Variants in HDAC9 observed in about 807,000 individuals in gnomAD.
The protein encoded by HDAC9 is MEF-2 interacting transcription repressor (MITR) protein.
In HDAC9, 41 loss-of-function variants were observed where a neutral mutation model predicts 139.4. That is an observed-to-expected ratio of 0.29 (90% confidence interval 0.23 to 0.38). The LOEUF is 0.38. Among genes scored for constraint, HDAC9 ranks in the 10% least tolerant of loss-of-function variants. The pLI, the probability that HDAC9 is intolerant of heterozygous loss-of-function variation, is 1.00. For synonymous variants in HDAC9, 517 were observed against 476.2 expected (o/e 1.09, Z -1.12); for missense variants, 1,147 against 1,297.0 (o/e 0.88, Z 1.78).
intron 12 of HDAC9, among the ~76,000 whole-genome samples, chr7:18,705,079 T>A (rs182755438): frequency 1.3e-4 from 20 of 152,324 alleles, no homozygotes; most frequent in Non-Finnish European, 2.2e-4. Flanking sequence ...TATGCGTTCC[T>A]GTGTTTAAAC....
At chr7:18,300,596 TACAA>T (rs1798474800) in intron 1 of HDAC9, among the ~76,000 whole-genome samples, 1 of 152,140 alleles carries the variant, frequency 6.6e-6, no homozygotes, top group African/African-American at 2.4e-5. Context: ...TAAGACATAC[TACAA>T]GAACAGATTG....
At chr7:18,424,013 G>T (rs1398100055) in intron 1 of HDAC9, among the ~76,000 whole-genome samples, 1 of 152,192 alleles carries the variant, frequency 6.6e-6, no homozygotes, top group Non-Finnish European at 1.5e-5. Flanking sequence ...TCTTAATTAT[G>T]AAGGTAGTTT....
chr7:18,267,073 C>CGTAG (rs1234544691), intron 2 of HDAC9, among the ~76,000 whole-genome samples: 1 of 152,172 alleles, frequency 6.6e-6, no homozygotes. Flanking sequence ...GACCAGTCTA[C>CGTAG]AGCTTCTGTA....
intron 2 of HDAC9, among the ~76,000 whole-genome samples, chr7:18,566,571 T>G (rs1371916198): frequency 6.6e-6 from 1 of 152,218 alleles, no homozygotes; most frequent in East Asian, 1.9e-4. Context: ...AGAGGAAGCC[T>G]TGGGAATCAC....
intron 1 of HDAC9, among the ~76,000 whole-genome samples, chr7:18,465,170 A>T (rs1794167108): frequency 6.6e-6 from 1 of 151,734 alleles, no homozygotes; most frequent in South Asian, 2.1e-4. Context: ...AAACTCTAAA[A>T]TTTTTTTTAG....
At chr7:18,478,920 G>C (rs894875549) in intron 1 of HDAC9, among the ~76,000 whole-genome samples, 6 of 152,042 alleles carry the variant, frequency 3.9e-5, no homozygotes, top group Non-Finnish European at 8.8e-5. Flanking sequence ...TTGGACATTA[G>C]AGTTTCTTTT....
At chr7:18,186,339 C>G (rs1218562866) in intron 2 of HDAC9, among the ~76,000 whole-genome samples, 1 of 152,236 alleles carries the variant, frequency 6.6e-6, no homozygotes, top group Non-Finnish European at 1.5e-5. Context: ...TATTTCCCAA[C>G]TGAGCAACAG....
intron 2 of HDAC9, among the ~76,000 whole-genome samples, chr7:18,182,798 A>C (rs1278600125): frequency 6.6e-6 from 1 of 152,200 alleles, no homozygotes; most frequent in Admixed American, 6.5e-5. Flanking sequence ...GCTTGAGAAT[A>C]AGGCTGATGA....
At chr7:18,251,898 T>G (rs1794936412) in intron 2 of HDAC9, among the ~76,000 whole-genome samples, 1 of 152,164 alleles carries the variant, frequency 6.6e-6, no homozygotes, top group South Asian at 2.1e-4. Flanking sequence ...TTAGATGAGT[T>G]AAAGGAGGGA....
chr7:18,508,817 C>T (rs897466361), intron 2 of HDAC9, among the ~76,000 whole-genome samples: 4 of 152,200 alleles, frequency 2.6e-5, no homozygotes, highest in Non-Finnish European at 2.9e-5. Context: ...CAGTATTCAT[C>T]ACACAGGCAT....
chr7:18,135,843 G>A (rs1183453855), intron 1 of HDAC9, among the ~76,000 whole-genome samples: 1 of 143,798 alleles, frequency 7.0e-6, no homozygotes, highest in East Asian at 2.0e-4. Flanking sequence ...GGGTCAAATG[G>A]TATTTCCAGT....
chr7:18,847,979 A>G (rs1399268116), intron 21 of HDAC9, among the ~76,000 whole-genome samples: 1 of 152,168 alleles, frequency 6.6e-6, no homozygotes, highest in East Asian at 1.9e-4. Flanking sequence ...ATTTTGCATT[A>G]TTTAAGTAAA....
At chr7:18,913,860 A>G (rs924823671) in intron 22 of HDAC9, among the ~76,000 whole-genome samples, 2 of 152,122 alleles carry the variant, frequency 1.3e-5, no homozygotes, top group African/African-American at 4.8e-5. Context: ...TCTGGTACAG[A>G]AGACAATTAG....
chr7:18,389,803 T>C (rs1338517580), intron 1 of HDAC9, among the ~76,000 whole-genome samples: 1 of 152,146 alleles, frequency 6.6e-6, no homozygotes, highest in Non-Finnish European at 1.5e-5. Context: ...CATGTGATAC[T>C]CTGAAAGAGA....
chr7:18,962,143 G>A (rs1352108709), intron 24 of HDAC9, among the ~76,000 whole-genome samples: 1 of 152,100 alleles, frequency 6.6e-6, no homozygotes, highest in Non-Finnish European at 1.5e-5. Context: ...GCAAGGATTG[G>A]CAGAATTTCA....
In HDAC9 at chr7:18,542,701, G is replaced by A. The variant is rs191275801; in HGVS notation, c.23-42580G>A. 3.3e-5 allele frequency among the ~76,000 whole-genome samples: 5 copies of A among 152,226 alleles called. No individual in the cohort carries two copies. The East Asian group carries it at 9.6e-4, about 29-fold the overall frequency. ...AAATACTTCATATTAATAAGATTGT[G>A]GCAAAAGGCCCTGTACTGTACTGAT... On this transcript the variant is annotated intron_variant, in intron 2 of 25. Transcript: ENST00000686413.
chr7:18,794,489 C>T (rs763115936), intron 17 of HDAC9, among the ~76,000 whole-genome samples: 8 of 152,110 alleles, frequency 5.3e-5, no homozygotes, highest in African/African-American at 9.7e-5. Context: ...TCAGAGCCTA[C>T]GGAAATATAA....
chr7:18,812,351 G>A (rs1054842681), intron 17 of HDAC9, among the ~76,000 whole-genome samples: 6 of 151,592 alleles, frequency 4.0e-5, no homozygotes, highest in East Asian at 3.9e-4. Flanking sequence ...TTTCAACATC[G>A]CTTGCACCAC....
intron 2 of HDAC9, among the ~76,000 whole-genome samples, chr7:18,541,478 T>C (rs977902260): frequency 1.1e-4 from 17 of 152,150 alleles, no homozygotes; most frequent in African/African-American, 4.1e-4. Context: ...GGCTCAACTG[T>C]CTCTCTAATA....
Sources: allele counts gnomAD v4.1 joint callset (sites outside exome capture counted in the v4.1 genomes callset), GRCh38; gene constraint gnomAD v4.1.1; transcripts MANE v1.5; gene names NCBI Gene and HGNC (gene_info 2026-07-23, HGNC 2026-07-21).